Variants in SCML4 observed in about 807,000 individuals in gnomAD.
The protein encoded by SCML4 is sex comb on midleg-like protein 4.
Under a neutral mutation model 41.1 loss-of-function variants are expected in SCML4, and 34 were observed. That is an observed-to-expected ratio of 0.83 (90% CI 0.63 to 1.10). SCML4 has a LOEUF of 1.10. Among genes scored for constraint, SCML4 ranks in the 50% least tolerant of loss-of-function variants. SCML4 has a pLI of 0.00. For synonymous variants in SCML4, 214 were observed against 220.9 expected (o/e 0.97, Z 0.28); for missense variants, 522 against 534.1 (o/e 0.98, Z 0.22).
chr6:107,709,624 G>T (rs1223806259), intron 6 of SCML4, among the ~76,000 whole-genome samples: 2 of 152,210 alleles, frequency 1.3e-5, no homozygotes, highest in Admixed American at 6.5e-5. Context: ...TCCCACTCAT[G>T]TTCCACCTGA....
chr6:107,738,695 A>G (rs1319862252), intron 5 of SCML4, among the ~76,000 whole-genome samples: 2 of 152,086 alleles, frequency 1.3e-5, no homozygotes, highest in Non-Finnish European at 2.9e-5. Context: ...CCTCTTCTTC[A>G]AGGGAAGAGG....
chr6:107,843,062 G>A, the SCML4 span, among the ~76,000 whole-genome samples: 8 of 151,656 alleles, frequency 5.3e-5, no homozygotes, highest in Admixed American at 6.6e-5. Flanking sequence ...ATATCAAATC[G>A]CCTAATATGC....
intron 4 of SCML4, chr6:107,745,579 A>T (rs550132388): frequency 6.5e-6 from 1 of 154,036 alleles, no homozygotes; most frequent in East Asian, 1.9e-4. Flanking sequence ...GGAAAAAGGG[A>T]TTTCTCTGAC....
intron 1 of SCML4, among the ~76,000 whole-genome samples, chr6:107,809,609 A>G (rs1227450108): frequency 6.6e-6 from 1 of 152,176 alleles, no homozygotes; most frequent in Non-Finnish European, 1.5e-5. Flanking sequence ...GGATTCTAAA[A>G]CTGTTATCTT....
At chr6:107,831,411 C>CCA in the SCML4 span, among the ~76,000 whole-genome samples, 46,404 of 107,664 alleles carry the variant, frequency 0.43, 9,095 homozygotes, top group South Asian at 0.56. Context: ...TTTTCATTCT[C>CCA]AAAAAAAAAA....
chr6:107,815,919 G>A (rs2176559), intron 1 of SCML4, among the ~76,000 whole-genome samples: 63,234 of 152,100 alleles, frequency 0.42, 16,155 homozygotes, highest in East Asian at 0.7. Flanking sequence ...AATGCCTTTC[G>A]AAGTGGAAAC....
intron 6 of SCML4, chr6:107,720,455 T>G (rs963419886): frequency 8.4e-7 from 1 of 1,195,930 alleles, no homozygotes; most frequent in African/African-American, 1.6e-5. Context: ...TTTGAGCCTG[T>G]GTACATTTTG....
At chr6:107,839,368 G>GGAAAGAAAGAAAGAAAGAAAGAAAGAAA in the SCML4 span, among the ~76,000 whole-genome samples, 12 of 52,546 alleles carry the variant, frequency 2.3e-4, no homozygotes, top group African/African-American at 8.2e-4. Flanking sequence ...AAAGAAAGAA[G>GGAAAGAAAGAAAGAAAGAAAGAAAGAAA]GAAAGAAAGA....
intron 5 of SCML4, among the ~76,000 whole-genome samples, chr6:107,721,538 A>C (rs1468007880): frequency 6.6e-6 from 1 of 152,058 alleles, no homozygotes; most frequent in Non-Finnish European, 1.5e-5. Flanking sequence ...AAAGAAAAAA[A>C]AAAAGAGTAA....
chr6:107,789,771 C>T (rs1188225432), intron 1 of SCML4, among the ~76,000 whole-genome samples: 1 of 152,226 alleles, frequency 6.6e-6, no homozygotes, highest in African/African-American at 2.4e-5. Context: ...GTGGCCTCTC[C>T]CCTCACACTC....
chr6:107,832,285 A>G, the SCML4 span, among the ~76,000 whole-genome samples: 2 of 152,198 alleles, frequency 1.3e-5, no homozygotes, highest in Admixed American at 6.5e-5. Context: ...AGGGAGTCCA[A>G]TGAGCTTAGG....
chr6:107,785,389 G>A (rs1583580335), intron 1 of SCML4, among the ~76,000 whole-genome samples: 1 of 152,234 alleles, frequency 6.6e-6, no homozygotes, highest in Non-Finnish European at 1.5e-5. Context: ...TCAGGCTGCA[G>A]CGAATCAGTT....
At chr6:107,749,939 GT>G in intron 2 of SCML4, 126 bp from the exon 3 acceptor site, 1 of 946,402 alleles carries the variant, frequency 1.1e-6, no homozygotes, top group Non-Finnish European at 1.6e-6. Context: ...CCATCCTGCA[GT>G]TTCGGGGCCT....
chr6:107,807,738 G>A (rs1163522496), intron 1 of SCML4, among the ~76,000 whole-genome samples: 2 of 152,190 alleles, frequency 1.3e-5, no homozygotes, highest in Non-Finnish European at 2.9e-5. Flanking sequence ...TTTCCCCGCA[G>A]AGCACATAAA....
At chr6:107,833,746 A>G in the SCML4 span, among the ~76,000 whole-genome samples, 1 of 152,142 alleles carries the variant, frequency 6.6e-6, no homozygotes. Flanking sequence ...CAAAACCTAA[A>G]AATTAGAAAA....
the SCML4 span, among the ~76,000 whole-genome samples, chr6:107,833,827 C>T: frequency 6.6e-6 from 1 of 152,184 alleles, no homozygotes. Flanking sequence ...CTGGCTTGAC[C>T]ATGTCCATGA....
In SCML4 at chr6:107,709,484, C is replaced by T. The variant is rs533013119; in HGVS notation, c.974-1473G>A. Among the ~76,000 whole-genome samples the T allele has an allele frequency of 1.6e-3, 237 of 152,344 alleles. 2 individuals carry two copies. The highest frequency in any genetic ancestry group is 5.4e-3 in the African/African-American group (223 of 41,592). ...GAGCCTCCCTACCTTCCCCACATCC[C>T]TGCTCTCCTGTGCACCACCTGTCTG... On this transcript the variant is annotated intron_variant, in intron 6 of 7. Transcript: ENST00000369020.
chr6:107,777,534 G>A (rs1781055316), intron 1 of SCML4, among the ~76,000 whole-genome samples: 1 of 152,158 alleles, frequency 6.6e-6, no homozygotes, highest in Non-Finnish European at 1.5e-5. Context: ...TTCCTGGAAT[G>A]GCCTTCTGTT....
chr6:107,778,863 G>C (rs1562249686), intron 1 of SCML4, among the ~76,000 whole-genome samples: 1 of 152,122 alleles, frequency 6.6e-6, no homozygotes, highest in Non-Finnish European at 1.5e-5. Flanking sequence ...ACTATGCTTA[G>C]GTACTCTGAT....
Sources: allele counts gnomAD v4.1 joint callset (sites outside exome capture counted in the v4.1 genomes callset), GRCh38; gene constraint gnomAD v4.1.1; transcripts MANE v1.5; gene names NCBI Gene and HGNC (gene_info 2026-07-23, HGNC 2026-07-21).